Variants in PCDH15 observed in about 807,000 individuals in gnomAD.
PCDH15 encodes the protein protocadherin-15.
A neutral mutation model predicts 178.5 loss-of-function variants in PCDH15; 129 were observed. The observed-to-expected ratio is 0.72, with a 90% CI of 0.63 to 0.84. The LOEUF is 0.84. Among genes scored for constraint, PCDH15 ranks in the 40% least tolerant of loss-of-function variants. The pLI is 0.00. For synonymous variants in PCDH15, 800 were observed against 732.0 expected (o/e 1.09, Z -1.50); for missense variants, 2,230 against 2,099.9 (o/e 1.06, Z -1.21).
chr10:54,472,025 C>T (rs2077954447), intron 3 of PCDH15, among the ~76,000 whole-genome samples: 1 of 151,958 alleles, frequency 6.6e-6, no homozygotes, highest in African/African-American at 2.4e-5. Flanking sequence ...TCATGTGGGT[C>T]ACCTTCCAAA....
intron 2 of PCDH15, among the ~76,000 whole-genome samples, chr10:54,641,313 T>C (rs1310092140): frequency 2.6e-5 from 4 of 152,112 alleles, no homozygotes. Context: ...CTTATTCAGT[T>C]ATCTTGATCA....
chr10:53,808,867 A>G (rs770935243), intron 37 of PCDH15: 1 of 1,604,912 alleles, frequency 6.2e-7, no homozygotes, highest in Non-Finnish European at 8.5e-7. Flanking sequence ...ACCTCCTTCC[A>G]CCGAAGCTGA....
At chr10:53,961,635 T>TA (rs2088326194) in intron 22 of PCDH15, 117 bp downstream of exon 22, 3 of 748,250 alleles carry the variant, frequency 4.0e-6, no homozygotes, top group Non-Finnish European at 5.8e-6. Flanking sequence ...AATTGTAATT[T>TA]AAAAAAATTA....
chr10:53,992,920 T>A (rs907002607), intron 21 of PCDH15, among the ~76,000 whole-genome samples: 1 of 152,212 alleles, frequency 6.6e-6, no homozygotes, highest in Non-Finnish European at 1.5e-5. Context: ...TAATTCTTAT[T>A]TTGTATTCAA....
intron 8 of PCDH15, among the ~76,000 whole-genome samples, chr10:54,262,292 T>C (rs890792804): frequency 6.6e-6 from 1 of 151,912 alleles, no homozygotes; most frequent in African/African-American, 2.4e-5. Flanking sequence ...AGGCTGGGAG[T>C]GAACCGTGCC....
chr10:53,909,711 AC>A (rs960998642), intron 25 of PCDH15, among the ~76,000 whole-genome samples: 1 of 152,090 alleles, frequency 6.6e-6, no homozygotes, highest in African/African-American at 2.4e-5. Flanking sequence ...ACATCACATC[AC>A]CCAGGAAGCA....
At chr10:55,316,715 C>G (rs2132294716) in intron 1 of PCDH15, among the ~76,000 whole-genome samples, 1 of 152,208 alleles carries the variant, frequency 6.6e-6, no homozygotes, top group Admixed American at 6.5e-5. Flanking sequence ...GAACAGATAA[C>G]TTCTAAGTAT....
At chr10:54,958,576 T>A (rs1838554847) in intron 2 of PCDH15, among the ~76,000 whole-genome samples, 1 of 151,720 alleles carries the variant, frequency 6.6e-6, no homozygotes, top group African/African-American at 2.4e-5. Context: ...AATAGTAAGA[T>A]TAGAAATGGA....
intron 1 of PCDH15, among the ~76,000 whole-genome samples, chr10:55,313,575 T>C (rs1843645973): frequency 6.6e-6 from 1 of 152,208 alleles, no homozygotes. Flanking sequence ...CATAGGACAA[T>C]TAATCTTTGA....
chr10:54,740,643 C>G (rs755259098), intron 1 of PCDH15, among the ~76,000 whole-genome samples: 5 of 151,846 alleles, frequency 3.3e-5, no homozygotes, highest in Non-Finnish European at 7.4e-5. Flanking sequence ...AGCAAATGAA[C>G]AGATTAAGAA....
chr10:53,864,638 C>G (rs192353363), intron 27 of PCDH15, among the ~76,000 whole-genome samples: 6 of 152,160 alleles, frequency 3.9e-5, no homozygotes, highest in East Asian at 1.9e-4. Context: ...TAACCAGGCC[C>G]TTGAGTCACT....
At chr10:54,310,981 T>C (rs190098536) in intron 8 of PCDH15, among the ~76,000 whole-genome samples, 12 of 152,196 alleles carry the variant, frequency 7.9e-5, no homozygotes, top group Admixed American at 3.9e-4. Context: ...TGATAAGTGT[T>C]GTAGATCACT....
chr10:54,306,825 T>C (rs1224896034), intron 8 of PCDH15, among the ~76,000 whole-genome samples: 2 of 150,760 alleles, frequency 1.3e-5, no homozygotes, highest in African/African-American at 4.9e-5. Flanking sequence ...TATACAGTCA[T>C]GCCAAATCAC....
At chr10:55,470,227 A>G (rs1163382127) in intron 2 of PCDH15, among the ~76,000 whole-genome samples, 4 of 151,892 alleles carry the variant, frequency 2.6e-5, no homozygotes, top group Admixed American at 2.6e-4. Flanking sequence ...GGTTTGGCCT[A>G]TAGTCTCAGC....
At chr10:55,271,898 T>C (rs1842453787) in intron 1 of PCDH15, among the ~76,000 whole-genome samples, 1 of 152,294 alleles carries the variant, frequency 6.6e-6, no homozygotes, top group African/African-American at 2.4e-5. Context: ...TAAGCATCTC[T>C]TATAAAATGT....
intron 2 of PCDH15, among the ~76,000 whole-genome samples, chr10:54,564,026 G>T (rs1042276541): frequency 1.3e-5 from 2 of 152,082 alleles, no homozygotes; most frequent in African/African-American, 4.8e-5. Flanking sequence ...GGAACATGGA[G>T]GAGAGGCAAG....
chr10:54,291,894 G>A (rs896772444), intron 8 of PCDH15, among the ~76,000 whole-genome samples: 10 of 152,068 alleles, frequency 6.6e-5, no homozygotes, highest in Admixed American at 2.6e-4. Flanking sequence ...CCAGAGGTAC[G>A]AAGAGGACTT....
intron 2 of PCDH15, among the ~76,000 whole-genome samples, chr10:54,998,896 T>C (rs533793136): frequency 6.6e-6 from 1 of 152,286 alleles, no homozygotes; most frequent in East Asian, 1.9e-4. Flanking sequence ...CCACAACGTG[T>C]ATGTTTTTAT....
intron 2 of PCDH15, among the ~76,000 whole-genome samples, chr10:55,020,594 G>T (rs1840303518): frequency 6.6e-6 from 1 of 152,048 alleles, no homozygotes; most frequent in Non-Finnish European, 1.5e-5. Flanking sequence ...TTTGTGAAAG[G>T]GAAATACATC....
Sources: allele counts gnomAD v4.1 joint callset (sites outside exome capture counted in the v4.1 genomes callset), GRCh38; gene constraint gnomAD v4.1.1; transcripts MANE v1.5; gene names NCBI Gene and HGNC (gene_info 2026-07-23, HGNC 2026-07-21).